Variants in PTN observed in about 807,000 individuals in gnomAD.
PTN encodes the protein pleiotrophin.
PTN carries 18 observed loss-of-function variants against 24.1 expected under a neutral mutation model. That is an observed-to-expected ratio of 0.75 (90% CI 0.52 to 1.11). PTN has a LOEUF of 1.11. Ranked by LOEUF, PTN falls within the 50% of genes least tolerant of loss-of-function variation. PTN has a pLI of 0.00. For missense variants in PTN, 163 were observed against 198.8 expected (o/e 0.82, Z 1.08); for synonymous variants, 78 against 68.6 (o/e 1.14, Z -0.67).
chr7:137,263,357 T>A (rs996879951), intron 1 of PTN, among the ~76,000 whole-genome samples: 3 of 152,206 alleles, frequency 2.0e-5, no homozygotes, highest in Non-Finnish European at 4.4e-5. Context: ...CTACTTGCCT[T>A]TGATTATCTA....
At chr7:137,237,478 C>G (rs1012134234) in intron 4 of PTN, among the ~76,000 whole-genome samples, 2 of 152,166 alleles carry the variant, frequency 1.3e-5, no homozygotes, top group Non-Finnish European at 2.9e-5. Flanking sequence ...TCCTTCAGAG[C>G]ATATTCACTA....
chr7:137,283,836 T>G (rs1244469324), intron 1 of PTN, among the ~76,000 whole-genome samples: 2 of 152,096 alleles, frequency 1.3e-5, no homozygotes, highest in Non-Finnish European at 1.5e-5. Context: ...ACAAGGTCAT[T>G]TGGACCTCAT....
At chr7:137,329,285 A>G (rs1810311295) in intron 1 of PTN, among the ~76,000 whole-genome samples, 1 of 152,208 alleles carries the variant, frequency 6.6e-6, no homozygotes, top group South Asian at 2.1e-4. Context: ...AATGATGAGA[A>G]ATAATAAGAA....
intron 4 of PTN, among the ~76,000 whole-genome samples, chr7:137,234,860 C>T (rs1563194054): frequency 6.6e-6 from 1 of 152,008 alleles, no homozygotes; most frequent in African/African-American, 2.4e-5. Context: ...CAGATTTTAA[C>T]TAAAGTGACT....
chr7:137,303,957 T>C (rs1391305558), intron 1 of PTN, among the ~76,000 whole-genome samples: 1 of 152,002 alleles, frequency 6.6e-6, no homozygotes, highest in Non-Finnish European at 1.5e-5. Context: ...CACAATAGTT[T>C]GCCACATAAT....
intron 1 of PTN, among the ~76,000 whole-genome samples, chr7:137,342,878 G>A (rs914271973): frequency 2.6e-5 from 4 of 152,118 alleles, no homozygotes; most frequent in Non-Finnish European, 5.9e-5. Flanking sequence ...TGTCAGGTGG[G>A]AAGACGGGTG....
chr7:137,248,649 C>A (rs1808767656), intron 4 of PTN, among the ~76,000 whole-genome samples: 1 of 152,124 alleles, frequency 6.6e-6, no homozygotes, highest in Admixed American at 6.5e-5. Flanking sequence ...CACTGCCCTC[C>A]AGCACGGGTG....
chr7:137,235,929 A>C (rs1808512086), intron 4 of PTN, among the ~76,000 whole-genome samples: 1 of 152,110 alleles, frequency 6.6e-6, no homozygotes, highest in Admixed American at 6.6e-5. Context: ...ACATCTAGAC[A>C]ATTTCAGGAA....
chr7:137,261,692 G>GA (rs1316246721), intron 1 of PTN, among the ~76,000 whole-genome samples: 1 of 152,196 alleles, frequency 6.6e-6, no homozygotes, highest in Admixed American at 6.5e-5. Flanking sequence ...AGATTCAGGA[G>GA]AAAAACTATC....
At chr7:137,301,761 G>C (rs1374410951) in intron 1 of PTN, among the ~76,000 whole-genome samples, 1 of 151,858 alleles carries the variant, frequency 6.6e-6, no homozygotes, top group African/African-American at 2.4e-5. Flanking sequence ...CTTGTTCTTT[G>C]AACTCAGTAG....
intron 3 of PTN, among the ~76,000 whole-genome samples, chr7:137,252,186 C>T (rs946052263): frequency 6.6e-6 from 1 of 151,942 alleles, no homozygotes; most frequent in Admixed American, 6.5e-5. Context: ...GGCACCCTCA[C>T]TAGCATTTCG....
chr7:137,291,174 A>T (rs189756722), intron 1 of PTN, among the ~76,000 whole-genome samples: 45 of 152,348 alleles, frequency 3.0e-4, no homozygotes, highest in African/African-American at 8.9e-4. Flanking sequence ...AAAAAAGTAC[A>T]TAAGTGTACA....
chr7:137,315,281 C>T (rs141062251), intron 1 of PTN, among the ~76,000 whole-genome samples: 1 of 151,676 alleles, frequency 6.6e-6, no homozygotes, highest in Non-Finnish European at 1.5e-5. Flanking sequence ...TTGACCATTA[C>T]GAAAGTAATG....
intron 1 of PTN, among the ~76,000 whole-genome samples, chr7:137,255,321 A>C: frequency 6.6e-6 from 1 of 152,246 alleles, no homozygotes; most frequent in East Asian, 1.9e-4. Context: ...ATCACTTGGT[A>C]ATATCGACAA....
chr7:137,306,422 A>G (rs987831501), intron 1 of PTN, among the ~76,000 whole-genome samples: 2 of 151,904 alleles, frequency 1.3e-5, no homozygotes, highest in Non-Finnish European at 2.9e-5. Context: ...CCTCAAATTC[A>G]CCTCACTTCA....
At chr7:137,271,247 T>C (rs1809266787) in intron 1 of PTN, among the ~76,000 whole-genome samples, 1 of 152,208 alleles carries the variant, frequency 6.6e-6, no homozygotes, top group Non-Finnish European at 1.5e-5. Context: ...TCAAGAAATG[T>C]TTACATTTCC....
At chr7:137,266,883 T>C (rs916876583) in intron 1 of PTN, among the ~76,000 whole-genome samples, 2 of 149,364 alleles carry the variant, frequency 1.3e-5, no homozygotes, top group African/African-American at 2.4e-5. Flanking sequence ...TTTTTTTTTT[T>C]TTTTTTTCCT....
chr7:137,333,280 A>C (rs1810390539), intron 1 of PTN, among the ~76,000 whole-genome samples: 1 of 152,186 alleles, frequency 6.6e-6, no homozygotes, highest in Non-Finnish European at 1.5e-5. Context: ...GGAAACTTTC[A>C]GCCAGCAGAA....
chr7:137,227,892 T>C lies in PTN; in HGVS notation c.*128A>G, dbSNP rs1396060173. The C allele has an allele frequency of 6.0e-6, 8 of 1,325,176 alleles. No homozygotes were observed. Among genetic ancestry groups the C allele is most frequent in the Non-Finnish European group, 8.0e-6 (8 of 997,036 alleles). The allele number at this position is 1,325,176 out of a possible 1,614,324, so 82.1% of individuals were successfully genotyped here. ...GCTACTACAAAAATTTTCTTTTCTTTTTGTTTTTGCTTATTGTGTACTTAG... is the reference window on the plus strand; with the variant it reads ...GCTACTACAAAAATTTTCTTTTCTTCTTGTTTTTGCTTATTGTGTACTTAG... On this transcript the variant is annotated 3_prime_UTR_variant, in exon 5 of 5. Transcript: ENST00000348225.
Sources: allele counts gnomAD v4.1 joint callset (sites outside exome capture counted in the v4.1 genomes callset), GRCh38; gene constraint gnomAD v4.1.1; transcripts MANE v1.5; gene names NCBI Gene and HGNC (gene_info 2026-07-23, HGNC 2026-07-21).